The following HCN1 variants were observed in gnomAD, a reference collection of about 807,000 sequenced individuals.
HCN1 encodes the protein potassium/sodium hyperpolarization-activated cyclic nucleotide-gated channel 1.
In HCN1, 13 loss-of-function variants were observed where a neutral mutation model predicts 78.9. That is an observed-to-expected ratio of 0.16 (90% confidence interval 0.11 to 0.26). The LOEUF (loss-of-function observed/expected upper bound fraction) is 0.26, where lower values mean the gene tolerates loss of function less well. Ranked by LOEUF, HCN1 falls within the 10% of genes least tolerant of loss-of-function variation. HCN1 has a pLI of 1.00. For missense variants in HCN1, 810 were observed against 1,154.3 expected (o/e 0.70, Z 4.32); for synonymous variants, 552 against 455.5 (o/e 1.21, Z -2.70).
At chr5:45,297,330 C>T (rs1745517969) in intron 6 of HCN1, among the ~76,000 whole-genome samples, 1 of 152,032 alleles carries the variant, frequency 6.6e-6, no homozygotes, top group African/African-American at 2.4e-5. Context: ...TGTCCTCATT[C>T]CCATAAACCC....
chr5:45,512,808 T>G (rs980990835), intron 2 of HCN1, among the ~76,000 whole-genome samples: 25 of 152,124 alleles, frequency 1.6e-4, no homozygotes, highest in African/African-American at 5.8e-4. Context: ...TTGTACCAAC[T>G]TAAAGTAAAG....
At chr5:45,479,133 A>G (rs1741589074) in intron 2 of HCN1, among the ~76,000 whole-genome samples, 1 of 152,014 alleles carries the variant, frequency 6.6e-6, no homozygotes, top group African/African-American at 2.4e-5. Flanking sequence ...TTAAAAAAAA[A>G]AAAAAAAGAA....
intron 3 of HCN1, among the ~76,000 whole-genome samples, chr5:45,429,835 T>A (rs1579888929): frequency 6.6e-6 from 1 of 152,214 alleles, no homozygotes; most frequent in East Asian, 1.9e-4. Context: ...ACAGTGAGCC[T>A]GGAGATGAGA....
At chr5:45,493,006 G>T (rs1180347357) in intron 2 of HCN1, among the ~76,000 whole-genome samples, 4 of 151,984 alleles carry the variant, frequency 2.6e-5, no homozygotes, top group Non-Finnish European at 4.4e-5. Flanking sequence ...GAAGTGAACT[G>T]TAAAATATAG....
At chr5:45,375,170 T>C (rs1747584677) in intron 4 of HCN1, among the ~76,000 whole-genome samples, 1 of 121,122 alleles carries the variant, frequency 8.3e-6, no homozygotes, top group Non-Finnish European at 1.6e-5. Flanking sequence ...TAATATATTT[T>C]ATAATATATA....
intron 5 of HCN1, among the ~76,000 whole-genome samples, chr5:45,341,497 T>A (rs2111965532): frequency 6.6e-6 from 1 of 152,304 alleles, no homozygotes; most frequent in Non-Finnish European, 1.5e-5. Flanking sequence ...TTCAAAGAAT[T>A]TTAACTGGAG....
At chr5:45,654,839 G>C (rs1050504209) in intron 1 of HCN1, among the ~76,000 whole-genome samples, 3 of 152,114 alleles carry the variant, frequency 2.0e-5, no homozygotes, top group Non-Finnish European at 4.4e-5. Flanking sequence ...GTTTATTCAA[G>C]TTTGGAGTTT....
chr5:45,427,162 G>C (rs1740368758), intron 3 of HCN1, among the ~76,000 whole-genome samples: 1 of 151,982 alleles, frequency 6.6e-6, no homozygotes, highest in Non-Finnish European at 1.5e-5. Context: ...TTGGTCAGCT[G>C]TATTTTTCTT....
intron 2 of HCN1, among the ~76,000 whole-genome samples, chr5:45,468,531 T>C (rs1741326509): frequency 6.6e-6 from 1 of 152,118 alleles, no homozygotes; most frequent in Non-Finnish European, 1.5e-5. Flanking sequence ...AGAATTTCTA[T>C]ATATGTTTCA....
At chr5:45,546,139 T>TAA (rs1159804003) in intron 2 of HCN1, among the ~76,000 whole-genome samples, 1 of 151,984 alleles carries the variant, frequency 6.6e-6, no homozygotes, top group Non-Finnish European at 1.5e-5. Context: ...AGTATCTTCT[T>TAA]AAAGCTCAAC....
chr5:45,682,654 A>G (rs1739726121), intron 1 of HCN1, among the ~76,000 whole-genome samples: 1 of 151,976 alleles, frequency 6.6e-6, no homozygotes, highest in South Asian at 2.1e-4. Flanking sequence ...AAAAAAAAGC[A>G]CCTCATCTTA....
intron 6 of HCN1, among the ~76,000 whole-genome samples, chr5:45,294,143 AAGTAG>A (rs1368747575): frequency 1.3e-5 from 2 of 151,942 alleles, no homozygotes; most frequent in Non-Finnish European, 2.9e-5. Flanking sequence ...TATAATATAG[AAGTAG>A]AGTAAATTGC....
chr5:45,267,593 C>A (rs1292532266), intron 6 of HCN1, among the ~76,000 whole-genome samples: 1 of 151,904 alleles, frequency 6.6e-6, no homozygotes, highest in East Asian at 1.9e-4. Context: ...CATGGTGAAA[C>A]CCCGTCTCTA....
intron 2 of HCN1, among the ~76,000 whole-genome samples, chr5:45,491,949 T>A (rs527513784): frequency 5.8e-4 from 88 of 152,228 alleles, no homozygotes; most frequent in African/African-American, 1.9e-3. Context: ...ATGTTAACAC[T>A]TATGAAATTT....
chr5:45,351,950 AT>A (rs1746913398), intron 5 of HCN1, among the ~76,000 whole-genome samples: 1 of 152,188 alleles, frequency 6.6e-6, no homozygotes, highest in Non-Finnish European at 1.5e-5. Flanking sequence ...TAGTTCAAAC[AT>A]TGTGAAAGTC....
intron 2 of HCN1, among the ~76,000 whole-genome samples, chr5:45,573,292 G>A (rs906527247): frequency 6.6e-6 from 1 of 151,960 alleles, no homozygotes; most frequent in African/African-American, 2.4e-5. Context: ...TCAAAAATCT[G>A]AACATCATTA....
intron 2 of HCN1, among the ~76,000 whole-genome samples, chr5:45,505,545 C>T (rs939517606): frequency 2.2e-4 from 34 of 151,830 alleles, no homozygotes; most frequent in Admixed American, 1.2e-3. Context: ...TGATGCCTCC[C>T]GCTTTGTTCT....
intron 3 of HCN1, among the ~76,000 whole-genome samples, chr5:45,445,360 C>T (rs1489116039): frequency 6.6e-6 from 1 of 152,202 alleles, no homozygotes; most frequent in Non-Finnish European, 1.5e-5. Flanking sequence ...CCCAGGCTTG[C>T]TTAGGTCAAC....
chr5:45,493,108 A>G (rs1288132713), intron 2 of HCN1, among the ~76,000 whole-genome samples: 1 of 152,142 alleles, frequency 6.6e-6, no homozygotes, highest in Non-Finnish European at 1.5e-5. Flanking sequence ...GGCACACCTT[A>G]TAAATATACT....
Sources: gnomAD v4.1 joint callset for allele counts (sites outside exome capture counted in the v4.1 genomes callset) on GRCh38, gnomAD v4.1.1 for gene constraint, MANE v1.5 for transcripts, NCBI Gene and HGNC (gene_info 2026-07-23, HGNC 2026-07-21) for gene names.